Variants in GALNT13 observed in about 807,000 individuals in gnomAD.
GALNT13 encodes the protein polypeptide N-acetylgalactosaminyltransferase 13.
A neutral mutation model predicts 64.2 loss-of-function variants in GALNT13; 28 were observed. The ratio of observed to expected loss-of-function variants is 0.44; its 90% CI spans 0.32 to 0.60. GALNT13 has a LOEUF of 0.60. Ranked by LOEUF, GALNT13 falls within the 20% of genes least tolerant of loss-of-function variation. The probability of loss-of-function intolerance (pLI) is 0.05; values close to 1 mark genes in which losing one functional copy is unlikely to be tolerated. For synonymous variants in GALNT13, 214 were observed against 224.6 expected (o/e 0.95, Z 0.42); for missense variants, 577 against 669.8 (o/e 0.86, Z 1.53).
At chr2:153,420,497 A>G in the GALNT13 span, among the ~76,000 whole-genome samples, 1 of 152,220 alleles carries the variant, frequency 6.6e-6, no homozygotes, top group African/African-American at 2.4e-5. Flanking sequence ...TATTTTATTT[A>G]CTTCAAGCCT....
At chr2:153,554,654 A>ATGTGTGTGTGTG in the GALNT13 span, among the ~76,000 whole-genome samples, 32 of 131,766 alleles carry the variant, frequency 2.4e-4, no homozygotes, top group African/African-American at 8.6e-4. Context: ...GGGATGCTGT[A>ATGTGTGTGTGTG]TATGTGTGTG....
chr2:153,110,513 G>A, the GALNT13 span, among the ~76,000 whole-genome samples: 3 of 151,954 alleles, frequency 2.0e-5, no homozygotes, highest in Admixed American at 6.6e-5. Flanking sequence ...ACCTCAGTTC[G>A]TGCCCTAAGT....
At chr2:153,484,180 G>A in the GALNT13 span, among the ~76,000 whole-genome samples, 1 of 152,050 alleles carries the variant, frequency 6.6e-6, no homozygotes, top group African/African-American at 2.4e-5. Flanking sequence ...CCCTAGTAAT[G>A]TAGACTATTT....
chr2:153,971,073 A>G (rs1693704691), intron 3 of GALNT13, among the ~76,000 whole-genome samples: 1 of 152,128 alleles, frequency 6.6e-6, no homozygotes, highest in Non-Finnish European at 1.5e-5. Context: ...CTTTCTTGCT[A>G]TTCTTGCAAT....
chr2:153,113,208 T>A, the GALNT13 span, among the ~76,000 whole-genome samples: 1 of 152,060 alleles, frequency 6.6e-6, no homozygotes, highest in South Asian at 2.1e-4. Context: ...TTTTTACTCC[T>A]CCTCTCCCCA....
intron 3 of GALNT13, among the ~76,000 whole-genome samples, chr2:154,035,168 T>C (rs1698583361): frequency 6.6e-6 from 1 of 152,080 alleles, no homozygotes; most frequent in Admixed American, 6.6e-5. Context: ...GAAGTATATA[T>C]ACACACACAC....
the GALNT13 span, among the ~76,000 whole-genome samples, chr2:153,077,410 C>T: frequency 6.8e-3 from 1,028 of 152,020 alleles, 8 homozygotes; most frequent in African/African-American, 0.023. Context: ...TGGGAAGCAA[C>T]AAACTGAAAG....
the GALNT13 span, among the ~76,000 whole-genome samples, chr2:153,252,907 G>A: frequency 6.6e-6 from 1 of 152,070 alleles, no homozygotes; most frequent in Non-Finnish European, 1.5e-5. Flanking sequence ...GTAGCGTGAT[G>A]CCTCCAGCTT....
At chr2:153,818,787 G>A in the GALNT13 span, among the ~76,000 whole-genome samples, 6 of 152,136 alleles carry the variant, frequency 3.9e-5, no homozygotes, top group Non-Finnish European at 7.3e-5. Flanking sequence ...CAGCCACCCT[G>A]CTCCATCTGA....
chr2:153,158,458 G>A, the GALNT13 span, among the ~76,000 whole-genome samples: 1 of 152,064 alleles, frequency 6.6e-6, no homozygotes, highest in East Asian at 1.9e-4. Flanking sequence ...ATTTAAAAAT[G>A]ATCATCTGTA....
At chr2:153,073,453 T>C in the GALNT13 span, among the ~76,000 whole-genome samples, 1 of 151,992 alleles carries the variant, frequency 6.6e-6, no homozygotes, top group African/African-American at 2.4e-5. Context: ...AGTGTAGATT[T>C]TTTTTTCTTC....
chr2:153,126,842 G>A, the GALNT13 span, among the ~76,000 whole-genome samples: 2 of 152,094 alleles, frequency 1.3e-5, no homozygotes, highest in South Asian at 4.1e-4. Flanking sequence ...GCACATCTCT[G>A]AATATTTTAT....
chr2:153,429,413 ATTAACT>A, the GALNT13 span, among the ~76,000 whole-genome samples: 3 of 152,276 alleles, frequency 2.0e-5, no homozygotes, highest in South Asian at 4.1e-4. Context: ...AACATGTGTA[ATTAACT>A]TTAAAGAATT....
At chr2:153,248,217 C>A in the GALNT13 span, among the ~76,000 whole-genome samples, 2 of 152,150 alleles carry the variant, frequency 1.3e-5, no homozygotes, top group African/African-American at 4.8e-5. Context: ...TTTCATGAGG[C>A]CAGCATCATC....
chr2:154,185,683 A>T (rs143817764), intron 4 of GALNT13, among the ~76,000 whole-genome samples: 1 of 151,818 alleles, frequency 6.6e-6, no homozygotes, highest in Admixed American at 6.6e-5. Context: ...TAGTTTCAGA[A>T]TTTCTATTTT....
At chr2:153,822,430 T>C in the GALNT13 span, among the ~76,000 whole-genome samples, 11 of 151,972 alleles carry the variant, frequency 7.2e-5, no homozygotes, top group Admixed American at 4.6e-4. Context: ...GTTCCACATA[T>C]ACAAATAAAC....
the GALNT13 span, among the ~76,000 whole-genome samples, chr2:153,372,704 C>G: frequency 6.6e-6 from 1 of 151,928 alleles, no homozygotes; most frequent in Non-Finnish European, 1.5e-5. Context: ...AACACTCTCT[C>G]TCATGCTCAC....
At chr2:153,957,703 C>T (rs1275918412) in intron 3 of GALNT13, among the ~76,000 whole-genome samples, 1 of 152,156 alleles carries the variant, frequency 6.6e-6, no homozygotes, top group Non-Finnish European at 1.5e-5. Flanking sequence ...TGATAGATAA[C>T]TCTTAGGGGG....
At chr2:153,979,622 A>G (rs1038398917) in intron 3 of GALNT13, among the ~76,000 whole-genome samples, 5 of 152,216 alleles carry the variant, frequency 3.3e-5, no homozygotes, top group South Asian at 2.1e-4. Flanking sequence ...AATAGCTTTT[A>G]AAATACAAAT....
Sources: gnomAD v4.1 joint callset for allele counts (sites outside exome capture counted in the v4.1 genomes callset) on GRCh38, gnomAD v4.1.1 for gene constraint, MANE v1.5 for transcripts, NCBI Gene and HGNC (gene_info 2026-07-23, HGNC 2026-07-21) for gene names.